ANKRD16: variants seen among roughly 807,000 people sequenced by gnomAD.
The protein encoded by ANKRD16 is ankyrin repeat domain-containing protein 16.
Under a neutral mutation model 37.9 loss-of-function variants are expected in ANKRD16, and 35 were observed. The ratio of observed to expected loss-of-function variants is 0.92; its 90% CI spans 0.71 to 1.23. The LOEUF (loss-of-function observed/expected upper bound fraction) is 1.23. Ranked by LOEUF, ANKRD16 falls within the 50% of genes most tolerant of loss-of-function variation. The pLI, the probability that ANKRD16 is intolerant of heterozygous loss-of-function variation, is 0.00. For synonymous variants in ANKRD16, 206 were observed against 197.2 expected, an observed-to-expected ratio of 1.04 and a Z score of -0.37; for missense variants, 480 against 469.9, an observed-to-expected ratio of 1.02 and a Z score of -0.20.
At chr10:5,883,892 A>G in intron 4 of ANKRD16, 77 bp downstream of exon 4, 1 of 1,299,222 alleles carries the variant, frequency 7.7e-7, no homozygotes. Context: ...GATCTGAGTA[A>G]CAATGTGCTC....
Position 5,865,074 on chromosome 10 carries a change from C to T in ANKRD16, c.*34-2383G>A, listed in dbSNP as rs534531582. On this transcript the variant is annotated intron_variant, in intron 7 of 7. Transcript: ENST00000380094. The surrounding 1 kb of genome is among the most constrained non-coding windows in gnomAD (Gnocchi z 4.7). ...GTTCTATGATAAGGACCAAGAGGAA[C>T]AGGCTGAAAAGGAAACGTTAGATCA... 4.6e-5 allele frequency among the ~76,000 whole-genome samples: 7 copies of T among 152,260 alleles called. No homozygotes were observed. Among genetic ancestry groups the T allele is most frequent in the Admixed American group, 1.3e-4 (2 of 15,290 alleles).
rs528061152 is a variant in ANKRD16 at position 5,885,076 on chromosome 10, C to T, written c.578+647G>A. On this transcript the variant is annotated intron_variant, in intron 3 of 7. Transcript: ENST00000380094. ...GCACAACAGACTTTCGGGACTCCTTCATGGTCTGTCTTTCCTGCCAGTCTG... is the reference window on the plus strand; with the variant it reads ...GCACAACAGACTTTCGGGACTCCTTTATGGTCTGTCTTTCCTGCCAGTCTG... Among the ~76,000 whole-genome samples the T allele has an allele frequency of 7.9e-5, 12 of 152,360 alleles. No homozygotes were observed. In the East Asian group the frequency reaches 2.3e-3, roughly 29 times the overall value.
rs553492120 is a variant in ANKRD16, at chr10:5,888,069, T to C, written c.315-2A>G. The C allele has an allele frequency of 1.9e-6, 3 of 1,613,446 alleles. No homozygotes were observed. The African/African-American group carries it at 4.0e-5, about 22-fold the overall frequency. On this transcript the variant is annotated splice_acceptor_variant, in intron 1 of 7. Coordinates refer to ENST00000380094, the MANE Select transcript of ANKRD16 (RefSeq NM_019046.3). LOFTEE classifies it high-confidence loss of function. ...GTGCAGGCCATCATCAGAGGAGTCC[T>C]AAGGCCAACCAGGAGAAGCTGTCAG...
intron 4 of ANKRD16, 102 bp from the exon 5 acceptor site, chr10:5,883,269 G>A (rs890683708): frequency 3.5e-5 from 42 of 1,202,678 alleles, no homozygotes; most frequent in African/African-American, 9.2e-5. Flanking sequence ...AGCTGTTTAC[G>A]CACAACTCTC....
At chr10:5,888,999 CGAGTA>C (rs1763856639) in intron 1 of ANKRD16, 37 bp downstream of exon 1, 1 of 1,476,822 alleles carries the variant, frequency 6.8e-7, no homozygotes, top group Non-Finnish European at 8.9e-7. Context: ...TACGACTCTG[CGAGTA>C]GAGGGGAGGC....
rs576844460 is a variant in ANKRD16, at chr10:5,870,324, G to A, written c.*34-7633C>T. ...CAGGGGCCCCCAGTGCACCCGCACA[G>A]TGAGGTCAGCGTTGGCTCTTGGCCT... On this transcript the variant is annotated intron_variant, in intron 7 of 7. Transcript: ENST00000380094. The surrounding 1 kb of genome is among the most constrained non-coding windows in gnomAD (Gnocchi z 5.0). Among the ~76,000 whole-genome samples, 2 of 152,094 alleles carry A rather than the reference G, an allele frequency of 1.3e-5. No individual in the cohort carries two copies. Among genetic ancestry groups the A allele is most frequent in the East Asian group, 3.9e-4 (2 of 5,156 alleles).
Position 5,889,490 on chromosome 10 carries a change from C to A in ANKRD16, c.-136G>T, listed in dbSNP as rs944011048. On this transcript the variant is annotated 5_prime_UTR_variant, in exon 1 of 8. Coordinates refer to ENST00000380094, the MANE Select transcript of ANKRD16 (RefSeq NM_019046.3). ...CCGCGCGCCCCGAACCCGGCAGAAC[C>A]GCCCCTCACGCCCCCGGCTTTGTCC... 20 of 498,352 alleles carry A rather than the reference C, an allele frequency of 4.0e-5. No homozygotes were observed. Among genetic ancestry groups the A allele is most frequent in the Non-Finnish European group, 5.7e-5 (20 of 352,870 alleles). 30.9% of individuals were successfully genotyped at this position (498,352 alleles called of 1,614,324 possible).
At position 5,862,482 on chromosome 10, in the gene ANKRD16, G is replaced by C. The variant is rs912592738; in HGVS notation, c.*243C>G. ...GGTGATGTCATCAGCAACCATTTTT[G>C]GAGACAGACCCAGGGAGCTGACCTT... is the stretch of plus-strand genomic sequence containing the variant. On this transcript the variant is annotated 3_prime_UTR_variant, in exon 8 of 8. Transcript: ENST00000380094. This position sits in a 1 kb window ranked among gnomAD's most constrained non-coding sequence, Gnocchi z 6.5. 5 of 625,322 alleles carry C rather than the reference G, an allele frequency of 8.0e-6. No homozygotes were observed. The African/African-American group carries it at 9.6e-5, about 12-fold the overall frequency. 38.7% of individuals were successfully genotyped at this position (625,322 alleles called of 1,614,324 possible).
At chr10:5,872,778 A>C (rs577289502) in intron 7 of ANKRD16, among the ~76,000 whole-genome samples, 36 of 146,704 alleles carry the variant, frequency 2.5e-4, no homozygotes, top group South Asian at 1.0e-3. Context: ...AGATGGTCTT[A>C]ATTTCCTGAC....
rs777068454 is a variant in ANKRD16, at chr10:5,883,001, C to T, written c.849+5G>A. 2 of 1,612,494 alleles carry T rather than the reference C, an allele frequency of 1.2e-6. No homozygotes were observed. Among genetic ancestry groups the T allele is most frequent in the Admixed American group, 3.3e-5 (2 of 59,990 alleles). On this transcript the variant is annotated splice_donor_5th_base_variant and intron_variant, in intron 5 of 7. Transcript: ENST00000380094. ...GCTCGGACAACGTTATAAGAAGTAA[C>T]AAACCTTAGCTGCATAATGAAGTGC...
chr10:5,876,247 C>G (rs749981175), intron 7 of ANKRD16, among the ~76,000 whole-genome samples: 22 of 152,180 alleles, frequency 1.4e-4, no homozygotes, highest in Admixed American at 2.0e-4. Flanking sequence ...CAGTGGCATC[C>G]AGTAACCACG....
rs149999599 is a variant in ANKRD16 at position 5,888,381 on chromosome 10, C to T, written c.315-314G>A. 7.7e-3 allele frequency among the ~76,000 whole-genome samples: 1,167 copies of T among 152,258 alleles called. 14 individuals carry two copies. Among genetic ancestry groups the T allele is most frequent in the African/African-American group, 0.027 (1,117 of 41,530 alleles). On this transcript the variant is annotated intron_variant, in intron 1 of 7. Transcript: ENST00000380094. Reference sequence around the variant, plus strand: ...AGAGCTAAGAAAACCCACAGACAACCCTCAACACATAACGAAGTCTATTCC... The same window carrying T: ...AGAGCTAAGAAAACCCACAGACAACTCTCAACACATAACGAAGTCTATTCC...
rs1161388514 is a variant in ANKRD16 at position 5,886,634 on chromosome 10, A to G, written c.536-869T>C. Among the ~76,000 whole-genome samples, 4 of 152,178 alleles carry G rather than the reference A, an allele frequency of 2.6e-5. No homozygotes were observed. The East Asian group carries it at 7.7e-4, about 29-fold the overall frequency. On this transcript the variant is annotated intron_variant, in intron 2 of 7. Coordinates refer to ENST00000380094, the MANE Select transcript of ANKRD16 (RefSeq NM_019046.3). ...AAAAGCAACACTATAAAACATCACA[A>G]GTGATGATTTTTAGAGAAACTAAAA...
rs1841972731 is a variant in ANKRD16 at position 5,863,622 on chromosome 10, C to T, written c.*34-931G>A. Among the ~76,000 whole-genome samples the T allele has an allele frequency of 6.6e-6, 1 of 152,046 alleles. No homozygotes were observed. Among genetic ancestry groups the T allele is most frequent in the South Asian group, 2.1e-4 (1 of 4,832 alleles). ...AGCAGCAGCAACCCACTTGGGTCCCCTTCCACACTGTGGAAGCTTTGTTCT... is the reference window on the plus strand; with the variant it reads ...AGCAGCAGCAACCCACTTGGGTCCCTTTCCACACTGTGGAAGCTTTGTTCT... On this transcript the variant is annotated intron_variant, in intron 7 of 7. Transcript: ENST00000380094. This position sits in a 1 kb window ranked among gnomAD's most constrained non-coding sequence, Gnocchi z 4.7.
Position 5,862,471 on chromosome 10 carries a change from C to T in ANKRD16, c.*254G>A, listed in dbSNP as rs1564411839. 2 of 547,816 alleles carry T rather than the reference C, an allele frequency of 3.7e-6. No homozygotes were observed. The highest frequency in any genetic ancestry group is 1.4e-4 in the East Asian group (2 of 14,466). 33.9% of individuals were successfully genotyped at this position (547,816 alleles called of 1,614,324 possible). On this transcript the variant is annotated 3_prime_UTR_variant, in exon 8 of 8. Coordinates refer to ENST00000380094, the MANE Select transcript of ANKRD16 (RefSeq NM_019046.3). The surrounding 1 kb of genome is among the most constrained non-coding windows in gnomAD (Gnocchi z 6.5). ...AGTCAATGGTTGGTGATGTCATCAGCAACCATTTTTGGAGACAGACCCAGG... is the reference window on the plus strand; with the variant it reads ...AGTCAATGGTTGGTGATGTCATCAGTAACCATTTTTGGAGACAGACCCAGG...
At chr10:5,867,630 G>A (rs1478489510) in intron 7 of ANKRD16, among the ~76,000 whole-genome samples, 1 of 152,148 alleles carries the variant, frequency 6.6e-6, no homozygotes, top group African/African-American at 2.4e-5. Flanking sequence ...CTAATCTTAT[G>A]GAAATCAGAC....
intron 1 of ANKRD16, among the ~76,000 whole-genome samples, 165 bp downstream of exon 1, chr10:5,888,876 T>C (rs1464658622): frequency 6.6e-6 from 1 of 152,072 alleles, no homozygotes; most frequent in African/African-American, 2.4e-5. Context: ...GTCATCTGCG[T>C]TATAAGGGAA....
intron 7 of ANKRD16, among the ~76,000 whole-genome samples, chr10:5,873,581 A>G (rs1248549310): frequency 1.3e-5 from 2 of 152,190 alleles, no homozygotes; most frequent in African/African-American, 4.8e-5. Context: ...ATTTTACAAT[A>G]GGCCTTACAA....
Position 5,864,035 on chromosome 10 carries a change from A to G in ANKRD16, c.*34-1344T>C, listed in dbSNP as rs894014654. On this transcript the variant is annotated intron_variant, in intron 7 of 7. Transcript: ENST00000380094. The surrounding 1 kb of genome is among the most constrained non-coding windows in gnomAD (Gnocchi z 4.4). Reference sequence around the variant, plus strand: ...TTTTCTGCACTACAGCCTGGCCCCAATATTCTCTCTCTGATGGGGAAAAAT... The same window carrying G: ...TTTTCTGCACTACAGCCTGGCCCCAGTATTCTCTCTCTGATGGGGAAAAAT... 2.6e-5 allele frequency among the ~76,000 whole-genome samples: 4 copies of G among 152,124 alleles called. No homozygotes were observed. Among genetic ancestry groups the G allele is most frequent in the African/African-American group, 4.8e-5 (2 of 41,366 alleles).
Sources: gnomAD v4.1 joint callset for allele counts (sites outside exome capture counted in the v4.1 genomes callset) on GRCh38, gnomAD v4.1.1 for gene constraint, Gnocchi (gnomAD v3.1) non-coding constraint, MANE v1.5 for transcripts, NCBI Gene and HGNC (gene_info 2026-07-23, HGNC 2026-07-21) for gene names.